PPM1H: variants seen among roughly 807,000 people sequenced by gnomAD.
PPM1H encodes protein phosphatase, Mg2+/Mn2+ dependent 1H.
Under a neutral mutation model 54.9 loss-of-function variants are expected in PPM1H, and 27 were observed. That is an observed-to-expected ratio of 0.49 (90% confidence interval 0.36 to 0.68). The LOEUF (loss-of-function observed/expected upper bound fraction) is 0.68, where lower values mean the gene tolerates loss of function less well. PPM1H is among the 30% of genes least tolerant of loss of function. The pLI, the probability that PPM1H is intolerant of heterozygous loss-of-function variation, is 0.00. For synonymous variants in PPM1H, 305 were observed against 270.8 expected, an observed-to-expected ratio of 1.13 and a Z score of -1.24; for missense variants, 596 against 667.8, an observed-to-expected ratio of 0.89 and a Z score of 1.19.
intron 1 of PPM1H, among the ~76,000 whole-genome samples, chr12:62,916,622 T>C (rs1184940083): frequency 6.6e-6 from 1 of 151,070 alleles, no homozygotes; most frequent in Non-Finnish European, 1.5e-5. Context: ...ACACCAAGAG[T>C]ATTTTTTTTT....
At chr12:62,707,880 AG>A (rs2076184000) in intron 6 of PPM1H, among the ~76,000 whole-genome samples, 1 of 152,158 alleles carries the variant, frequency 6.6e-6, no homozygotes, top group African/African-American at 2.4e-5. Flanking sequence ...CTTGTCCTTT[AG>A]GTACAGAGAG....
intron 7 of PPM1H, among the ~76,000 whole-genome samples, chr12:62,690,609 A>T (rs577363235): frequency 6.6e-6 from 1 of 152,348 alleles, no homozygotes; most frequent in South Asian, 2.1e-4. Context: ...CCAAACATTT[A>T]TTGGGTGCCT....
chr12:62,828,003 CAG>C (rs1367064987), intron 2 of PPM1H, among the ~76,000 whole-genome samples: 1 of 152,140 alleles, frequency 6.6e-6, no homozygotes, highest in Non-Finnish European at 1.5e-5. Flanking sequence ...CATGCAGACT[CAG>C]AGTTCAATAT....
At chr12:62,885,938 A>G (rs1354644039) in intron 1 of PPM1H, among the ~76,000 whole-genome samples, 2 of 152,230 alleles carry the variant, frequency 1.3e-5, no homozygotes, top group Non-Finnish European at 2.9e-5. Flanking sequence ...ACTTCTCTAA[A>G]GTCACACATC....
At chr12:62,798,817 C>A (rs534945687) in intron 3 of PPM1H, among the ~76,000 whole-genome samples, 4 of 152,100 alleles carry the variant, frequency 2.6e-5, no homozygotes, top group Non-Finnish European at 5.9e-5. Context: ...GTTTCCTGAG[C>A]CCCAGGGCAT....
rs533953497 is a variant in PPM1H, at chr12:62,846,423, C to T, written c.246-14144G>A. Among the ~76,000 whole-genome samples, 538 of 151,782 alleles carry T rather than the reference C, an allele frequency of 3.5e-3. 2 individuals are homozygous for T. Among genetic ancestry groups the T allele is most frequent in the Non-Finnish European group, 6.7e-3 (452 of 67,760 alleles). On this transcript the variant is annotated intron_variant, in intron 1 of 9. Transcript: ENST00000228705. ...GCTGAGACAGGAGAATCTCTTGAAC[C>T]CAGGAGGCGGAGGTTGCAGTGAGCC...
At chr12:62,793,163 A>G (rs34179782) in intron 3 of PPM1H, among the ~76,000 whole-genome samples, 9,939 of 152,226 alleles carry the variant, frequency 0.065, 349 homozygotes, top group African/African-American at 0.09. Flanking sequence ...AAACACATGC[A>G]TATACTATCA....
chr12:62,737,454 T>A (rs750169312), intron 5 of PPM1H, 48 bp downstream of exon 5: 23 of 1,339,722 alleles, frequency 1.7e-5, no homozygotes, highest in Non-Finnish European at 2.3e-5. Flanking sequence ...ACAGCTCCGA[T>A]GCCATCCCTG....
At chr12:62,851,258 T>C (rs1036505923) in intron 1 of PPM1H, among the ~76,000 whole-genome samples, 3 of 152,120 alleles carry the variant, frequency 2.0e-5, no homozygotes, top group Non-Finnish European at 2.9e-5. Flanking sequence ...CACTCAAAGA[T>C]AATAGGGCAT....
intron 1 of PPM1H, among the ~76,000 whole-genome samples, chr12:62,893,379 G>A (rs1365908137): frequency 6.6e-6 from 1 of 152,140 alleles, no homozygotes; most frequent in Non-Finnish European, 1.5e-5. Context: ...CTGTCTGCAT[G>A]TCTGTGTACT....
In PPM1H at chr12:62,648,162, C is replaced by T. The variant is rs1293977280; in HGVS notation, c.*327G>A. On this transcript the variant is annotated 3_prime_UTR_variant, in exon 10 of 10. Transcript: ENST00000228705. ...CTCTGCCATTTACACCTGAAAATGG[C>T]TGCCCCAGCTACTCTAGATAAAATA... The T allele has an allele frequency of 1.0e-5, 2 of 195,314 alleles. No homozygotes were observed. The highest frequency in any genetic ancestry group is 2.3e-5 in the African/African-American group (1 of 43,944). The allele number at this position is 195,314 out of a possible 1,614,324, so 12.1% of individuals were successfully genotyped here. A position where few individuals can be genotyped will look rare whatever the true frequency, so the allele number is the denominator to read the frequency against.
chr12:62,808,390 G>A (rs1257511210), intron 2 of PPM1H, among the ~76,000 whole-genome samples: 1 of 142,466 alleles, frequency 7.0e-6, no homozygotes, highest in Non-Finnish European at 1.5e-5. Context: ...TACCACCAGA[G>A]GGAAGGTTGC....
chr12:62,658,470 T>G (rs74095846), intron 9 of PPM1H, among the ~76,000 whole-genome samples: 2,960 of 150,898 alleles, frequency 0.02, 108 homozygotes, highest in African/African-American at 0.07. Context: ...TTGAATATTC[T>G]TCCCAGGAGA....
intron 4 of PPM1H, among the ~76,000 whole-genome samples, chr12:62,756,394 C>A (rs1180560098): frequency 6.6e-6 from 1 of 151,848 alleles, no homozygotes; most frequent in Non-Finnish European, 1.5e-5. Context: ...GAGAGCCCCA[C>A]CTTGTCGTGT....
chr12:62,894,270 G>A (rs999473205), intron 1 of PPM1H, among the ~76,000 whole-genome samples: 4 of 152,190 alleles, frequency 2.6e-5, no homozygotes, highest in African/African-American at 9.7e-5. Flanking sequence ...GAGCTCCCAG[G>A]CATGGAACCA....
intron 4 of PPM1H, among the ~76,000 whole-genome samples, chr12:62,749,970 C>A (rs549345918): frequency 1.3e-5 from 2 of 151,960 alleles, no homozygotes; most frequent in South Asian, 4.2e-4. Context: ...GCTATACCAG[C>A]AACACTCATG....
chr12:62,868,027 G>A (rs903289768), intron 1 of PPM1H, among the ~76,000 whole-genome samples: 4 of 152,100 alleles, frequency 2.6e-5, no homozygotes, highest in African/African-American at 9.7e-5. Flanking sequence ...CTAACAAGAT[G>A]TAATAGGACT....
intron 1 of PPM1H, among the ~76,000 whole-genome samples, chr12:62,843,531 G>A (rs1868836701): frequency 6.6e-6 from 1 of 152,070 alleles, no homozygotes; most frequent in South Asian, 2.1e-4. Flanking sequence ...TATGTATTGT[G>A]CTCACACATA....
chr12:62,652,913 T>A (rs2075823817), intron 9 of PPM1H, among the ~76,000 whole-genome samples: 2 of 152,204 alleles, frequency 1.3e-5, no homozygotes, highest in Non-Finnish European at 1.5e-5. Flanking sequence ...GTAATTTTTT[T>A]AACAATGGTC....
Sources: gnomAD v4.1 joint callset for allele counts (sites outside exome capture counted in the v4.1 genomes callset) on GRCh38, gnomAD v4.1.1 for gene constraint, MANE v1.5 for transcripts, NCBI Gene and HGNC (gene_info 2026-07-23, HGNC 2026-07-21) for gene names.